The following RGCC variants were observed in gnomAD, a reference collection of about 807,000 sequenced individuals.
RGCC encodes regulator of cell cycle, also known as regulator of cell cycle RGCC.
In RGCC, 15 loss-of-function variants were observed where a neutral mutation model predicts 15.4. The observed-to-expected ratio is 0.97, with a 90% CI of 0.65 to 1.50. RGCC has a LOEUF of 1.50. Ranked by LOEUF, RGCC falls within the 40% of genes most tolerant of loss-of-function variation. The pLI is 0.00. For missense variants in RGCC, 176 were observed against 189.7 expected (o/e 0.93, Z 0.42); for synonymous variants, 81 against 78.0 (o/e 1.04, Z -0.20).
At chr13:41,465,593 G>A (rs2043843238) in intron 2 of RGCC, among the ~76,000 whole-genome samples, 1 of 152,132 alleles carries the variant, frequency 6.6e-6, no homozygotes. Flanking sequence ...TAGTTGACTG[G>A]ATGGTCCCCT....
chr13:41,460,268 A>G (rs2043814796), intron 2 of RGCC, among the ~76,000 whole-genome samples: 2 of 152,210 alleles, frequency 1.3e-5, no homozygotes, highest in African/African-American at 4.8e-5. Context: ...GTGTGTATCT[A>G]AATAGTAATT....
chr13:41,470,547 C>A lies in RGCC; in HGVS notation c.*62C>A. 3 of 1,508,670 alleles carry A rather than the reference C, an allele frequency of 2.0e-6. No individual in the cohort carries two copies. The highest frequency in any genetic ancestry group is 2.8e-6 in the Non-Finnish European group (3 of 1,084,182). 93.5% of individuals were successfully genotyped at this position (1,508,670 alleles called of 1,614,324 possible). ...AGCTTCAGAAAGTTCCGAGGACCTG[C>A]TAAAATCAGCTACTAGAATCTGCTG... On this transcript the variant is annotated 3_prime_UTR_variant, in exon 5 of 5. Transcript: ENST00000379359.
chr13:41,458,490 G>A lies in RGCC; in HGVS notation c.235+20G>A, dbSNP rs1485947362. The A allele has an allele frequency of 7.6e-6, 12 of 1,581,006 alleles. No individual in the cohort carries two copies. Among genetic ancestry groups the A allele is most frequent in the Middle Eastern group, 1.7e-4 (1 of 5,884 alleles). On this transcript the variant is annotated intron_variant, in intron 2 of 4. Coordinates refer to ENST00000379359, the MANE Select transcript of RGCC (RefSeq NM_014059.3). The surrounding 1 kb of genome is among the most constrained non-coding windows in gnomAD (Gnocchi z 4.4). ...CGGAGAGTAAGTGCGGCCCCCGCTA[G>A]GATGGCGCCGGGATCTCCCAGCTCC...
chr13:41,466,990 C>A (rs1231511686), intron 3 of RGCC, 60 bp downstream of exon 3: 8 of 1,025,950 alleles, frequency 7.8e-6, no homozygotes, highest in African/African-American at 3.2e-5. Context: ...CCTTCTCAAT[C>A]CCTTCTCTGT....
chr13:41,466,313 A>T (rs1474984065), intron 2 of RGCC, among the ~76,000 whole-genome samples: 2 of 150,942 alleles, frequency 1.3e-5, no homozygotes, highest in African/African-American at 2.4e-5. Flanking sequence ...TTTCTCTCTC[A>T]CACACACACA....
chr13:41,464,705 G>A (rs879038590), intron 2 of RGCC, among the ~76,000 whole-genome samples: 3 of 152,156 alleles, frequency 2.0e-5, no homozygotes, highest in Non-Finnish European at 2.9e-5. Context: ...CACAGCCCTC[G>A]GAGGACCAGC....
intron 4 of RGCC, among the ~76,000 whole-genome samples, chr13:41,469,968 G>A (rs769973652): frequency 1.5e-4 from 23 of 152,162 alleles, no homozygotes; most frequent in Non-Finnish European, 2.4e-4. Flanking sequence ...GAGTGGGCTA[G>A]GAAAATTTTG....
chr13:41,460,528 C>A (rs1412018978), intron 2 of RGCC, among the ~76,000 whole-genome samples: 4 of 152,140 alleles, frequency 2.6e-5, no homozygotes, highest in African/African-American at 9.7e-5. Flanking sequence ...CATGTCTTCA[C>A]GAATAGACTG....
In RGCC at chr13:41,457,598, C is replaced by T; in HGVS notation, c.-110C>T. On this transcript the variant is annotated 5_prime_UTR_variant, in exon 1 of 5. Transcript: ENST00000379359. The surrounding 1 kb of genome is among the most constrained non-coding windows in gnomAD (Gnocchi z 4.9). The stretch of plus-strand genomic sequence containing the variant: ...GAGCGGCGCGGCTGGAGCGCAGCGC[C>T]GAAGGGACTGGCAGGGCTGAAGTGT... 6.9e-7 allele frequency: 1 copy of T among 1,443,296 alleles called. No homozygotes were observed. The highest frequency in any genetic ancestry group is 9.1e-7 in the Non-Finnish European group (1 of 1,101,738). 89.4% of individuals were successfully genotyped at this position (1,443,296 alleles called of 1,614,324 possible).
chr13:41,468,353 A>C (rs575366064), intron 3 of RGCC, among the ~76,000 whole-genome samples: 5 of 152,336 alleles, frequency 3.3e-5, no homozygotes, highest in Non-Finnish European at 7.4e-5. Flanking sequence ...TTTTTTGACT[A>C]ATAACTCATA....
chr13:41,465,056 G>A (rs899759134), intron 2 of RGCC, among the ~76,000 whole-genome samples: 1 of 152,166 alleles, frequency 6.6e-6, no homozygotes, highest in East Asian at 1.9e-4. Context: ...CTCTTCTTCC[G>A]AAAACTCTGA....
In RGCC at chr13:41,458,427, C is replaced by T. The variant is rs1191345630; in HGVS notation, c.192C>T (p.Ser64=). The T allele has an allele frequency of 1.2e-6, 2 of 1,601,734 alleles. No homozygotes were observed. The highest frequency in any genetic ancestry group is 1.1e-5 in the South Asian group (1 of 90,536). The change falls in exon 2 of 5, where the codon AGC becomes AGT. Residue 64 remains serine (S), a synonymous_variant. Coordinates refer to ENST00000379359, the MANE Select transcript of RGCC (RefSeq NM_014059.3). The surrounding 1 kb of genome is among the most constrained non-coding windows in gnomAD (Gnocchi z 4.4). ...ACCTGGAGCGCATGAAGCGGCGCAG[C>T]AGCGCCAGTGTCAGCGACAGCAGCG... is the stretch of plus-strand genomic sequence containing the variant. ...EEHLERMKRR[S]SASVSDSSGF...
intron 2 of RGCC, 103 bp from the exon 3 acceptor site, chr13:41,466,720 G>C: frequency 3.6e-6 from 3 of 826,032 alleles, no homozygotes; most frequent in Non-Finnish European, 6.0e-6. Flanking sequence ...TGCAGCTTTG[G>C]CTTATTTTGA....
chr13:41,468,214 A>G (rs1052701510), intron 3 of RGCC, among the ~76,000 whole-genome samples: 1 of 152,164 alleles, frequency 6.6e-6, no homozygotes, highest in African/African-American at 2.4e-5. Flanking sequence ...TTCATTTCAT[A>G]TTGGAGGAAC....
chr13:41,458,560 T>G lies in RGCC; in HGVS notation c.235+90T>G. The G allele has an allele frequency of 7.7e-7, 1 of 1,302,804 alleles. No homozygotes were observed. Among genetic ancestry groups the G allele is most frequent in the Non-Finnish European group, 1.0e-6 (1 of 963,252 alleles). 80.7% of individuals were successfully genotyped at this position (1,302,804 alleles called of 1,614,324 possible). On this transcript the variant is annotated intron_variant, in intron 2 of 4. Transcript: ENST00000379359. The surrounding 1 kb of genome is among the most constrained non-coding windows in gnomAD (Gnocchi z 4.4). ...GCTGCGGCCTCAGTTTTCTTATCAG[T>G]AAACTGAGGAATGGTTTCCTGAAGC...
At chr13:41,461,959 G>T (rs957762890) in intron 2 of RGCC, among the ~76,000 whole-genome samples, 14 of 152,200 alleles carry the variant, frequency 9.2e-5, no homozygotes, top group Admixed American at 7.9e-4. Context: ...GGCATATAGA[G>T]GGACAGTGCG....
intron 2 of RGCC, among the ~76,000 whole-genome samples, chr13:41,466,534 A>G (rs1430253124): frequency 6.6e-6 from 1 of 152,092 alleles, no homozygotes; most frequent in Non-Finnish European, 1.5e-5. Context: ...GGCTACAGAC[A>G]CACACCACTA....
At chr13:41,463,099 C>T (rs545927240) in intron 2 of RGCC, among the ~76,000 whole-genome samples, 48 of 152,258 alleles carry the variant, frequency 3.2e-4, no homozygotes, top group African/African-American at 1.1e-3. Flanking sequence ...CACAGAGCAC[C>T]TAGGTTATTG....
chr13:41,463,925 GAACA>G (rs1193979008), intron 2 of RGCC, among the ~76,000 whole-genome samples: 1 of 152,170 alleles, frequency 6.6e-6, no homozygotes, highest in African/African-American at 2.4e-5. Context: ...CCTGTGAGGT[GAACA>G]AATTGTGGTG....
Sources: allele counts gnomAD v4.1 joint callset (sites outside exome capture counted in the v4.1 genomes callset), GRCh38; gene constraint gnomAD v4.1.1; non-coding constraint Gnocchi (gnomAD v3.1); transcripts MANE v1.5; gene names NCBI Gene and HGNC (gene_info 2026-07-23, HGNC 2026-07-21).